Variants in PEX14 observed in about 807,000 individuals in gnomAD.
PEX14 encodes the protein peroxisomal membrane protein PEX14.
In PEX14, 15 loss-of-function variants were observed where a neutral mutation model predicts 49.5. That is an observed-to-expected ratio of 0.30 (90% CI 0.20 to 0.47). The LOEUF (loss-of-function observed/expected upper bound fraction) is 0.47, where lower values mean the gene tolerates loss of function less well. Among genes scored for constraint, PEX14 ranks in the 20% least tolerant of loss-of-function variants. The pLI is 1.00. For missense variants in PEX14, 398 were observed against 494.8 expected (o/e 0.80, Z 1.86); for synonymous variants, 210 against 212.7 (o/e 0.99, Z 0.11).
Position 10,529,430 on chromosome 1 carries a change from G to A in PEX14, c.85-6783G>A, listed in dbSNP as rs1638582133. 6.6e-6 allele frequency among the ~76,000 whole-genome samples: 1 copy of A among 152,220 alleles called. No homozygotes were observed. Among genetic ancestry groups the A allele is most frequent in the Non-Finnish European group, 1.5e-5 (1 of 68,042 alleles). ...TCACCCTTACGTCCCTAAGATCACT[G>A]TCCCTTGACATTAAATAGTGCGTGG... On this transcript the variant is annotated intron_variant, in intron 2 of 8. Transcript: ENST00000356607. The surrounding 1 kb of genome is among the most constrained non-coding windows in gnomAD (Gnocchi z 4.2).
chr1:10,496,484 C>T lies in PEX14; in HGVS notation c.84+1163C>T, dbSNP rs555650019. On this transcript the variant is annotated intron_variant, in intron 2 of 8. Transcript: ENST00000356607. ...GGGCCTGCCTCAGTGCCCCTCAGGC[C>T]GAAGTTGTGGTTGTTTTAGACTGAA... Among the ~76,000 whole-genome samples, 6 of 152,248 alleles carry T rather than the reference C, an allele frequency of 3.9e-5. No homozygotes were observed. The East Asian group carries it at 5.8e-4, about 15-fold the overall frequency.
intron 4 of PEX14, among the ~76,000 whole-genome samples, chr1:10,612,455 A>G (rs139419898): frequency 1.3e-5 from 2 of 152,262 alleles, no homozygotes; most frequent in Non-Finnish European, 2.9e-5. Context: ...AAAAGTGGAA[A>G]AGATTGTCTT....
At chr1:10,615,643 T>C (rs562834146) in intron 4 of PEX14, among the ~76,000 whole-genome samples, 1 of 152,328 alleles carries the variant, frequency 6.6e-6, no homozygotes, top group East Asian at 1.9e-4. Flanking sequence ...CTGGGGGTTC[T>C]GAGGCTCACA....
chr1:10,555,633 C>G (rs956965884), intron 3 of PEX14, among the ~76,000 whole-genome samples: 1 of 78,724 alleles, frequency 1.3e-5, no homozygotes, highest in Non-Finnish European at 2.6e-5. Context: ...GCAGAGCCGG[C>G]AAGGTGTGAG....
chr1:10,475,145 TC>T, intron 1 of PEX14, 143 bp downstream of exon 1: 2 of 639,488 alleles, frequency 3.1e-6, no homozygotes, highest in Non-Finnish European at 5.3e-6. Flanking sequence ...GCCCCGCCCC[TC>T]CCCAGGTCCT....
chr1:10,559,254 A>G (rs1639580229), intron 3 of PEX14, among the ~76,000 whole-genome samples: 1 of 152,188 alleles, frequency 6.6e-6, no homozygotes, highest in East Asian at 1.9e-4. Context: ...TTAGAGATGA[A>G]GAGCATAGGA....
intron 3 of PEX14, among the ~76,000 whole-genome samples, chr1:10,553,683 G>A (rs139562934): frequency 6.6e-6 from 1 of 152,304 alleles, no homozygotes; most frequent in Non-Finnish European, 1.5e-5. Flanking sequence ...TTTGGGTCAT[G>A]GTCAGAGTGG....
chr1:10,480,838 TCTTTC>T (rs1342862772), intron 1 of PEX14, among the ~76,000 whole-genome samples: 2 of 140,586 alleles, frequency 1.4e-5, no homozygotes, highest in African/African-American at 5.9e-5. Context: ...TCTCTCTCTC[TCTTTC>T]TCTCTCTCTC....
At chr1:10,616,233 C>T (rs1013690637) in intron 4 of PEX14, among the ~76,000 whole-genome samples, 5 of 152,134 alleles carry the variant, frequency 3.3e-5, no homozygotes, top group East Asian at 3.9e-4. Context: ...GACTTGGATC[C>T]GCCTGGTGGG....
intron 2 of PEX14, chr1:10,516,934 C>CA (rs1375537768): frequency 6.6e-6 from 1 of 152,286 alleles, no homozygotes; most frequent in Non-Finnish European, 1.5e-5. Flanking sequence ...CCCTTCTCCA[C>CA]ATGTTTTGTT....
In PEX14 at chr1:10,570,848, G is replaced by GTTTGTTTTT. The variant is rs71583883; in HGVS notation, c.170-28387_170-28386insGTTTTTTTT. Among the ~76,000 whole-genome samples the GTTTGTTTTT allele has an allele frequency of 4.1e-4, 47 of 113,898 alleles. 1 individual carries two copies. The highest frequency in any genetic ancestry group is 5.4e-4 in the Non-Finnish European group (31 of 57,348). The allele number at this position is 113,898 out of a possible 152,430, so 74.7% of individuals were successfully genotyped here. A position where few individuals can be genotyped will look rare whatever the true frequency, so the allele number is the denominator to read the frequency against. On this transcript the variant is annotated intron_variant, in intron 3 of 8. Transcript: ENST00000356607. Reference sequence around the variant, plus strand: ...TTTCTTTAGAGAAAATGTCAACAGGGTTTTTTTTTTTTTTTTTGAGATGGT... The same window carrying GTTTGTTTTT: ...TTTCTTTAGAGAAAATGTCAACAGGGTTTGTTTTTTTTTTTTTTTTTTTTTTGAGATGGT...
At chr1:10,526,209 T>C (rs1026594377) in intron 2 of PEX14, among the ~76,000 whole-genome samples, 41 of 149,540 alleles carry the variant, frequency 2.7e-4, no homozygotes, top group Non-Finnish European at 4.4e-4. Context: ...CGTGAGCCAC[T>C]GCGCCCGGCT....
chr1:10,518,786 G>A (rs576572959), intron 2 of PEX14, among the ~76,000 whole-genome samples: 2 of 152,246 alleles, frequency 1.3e-5, no homozygotes, highest in East Asian at 1.9e-4. Flanking sequence ...TGCTGATTCC[G>A]AAGCATCTTT....
chr1:10,504,031 G>A (rs1641735015), intron 2 of PEX14, among the ~76,000 whole-genome samples: 2 of 152,100 alleles, frequency 1.3e-5, no homozygotes, highest in Admixed American at 1.3e-4. Flanking sequence ...ACTGTGCCCG[G>A]CCCATTTTCC....
chr1:10,501,759 T>TA (rs1641685180), intron 2 of PEX14, among the ~76,000 whole-genome samples: 1 of 151,972 alleles, frequency 6.6e-6, no homozygotes, highest in South Asian at 2.1e-4. Context: ...TACAAAAAAT[T>TA]AAAAAAAATT....
intron 5 of PEX14, among the ~76,000 whole-genome samples, chr1:10,621,375 C>CT (rs1224490695): frequency 7.5e-6 from 1 of 134,198 alleles, no homozygotes; most frequent in East Asian, 2.2e-4. Context: ...GAGACACAGT[C>CT]TAACTCTGTT....
intron 3 of PEX14, among the ~76,000 whole-genome samples, chr1:10,537,341 A>AACCACCCC (rs1553187430): frequency 3.5e-5 from 1 of 28,430 alleles, no homozygotes; most frequent in African/African-American, 1.4e-4. Context: ...TTGTGCCAGC[A>AACCACCCC]CCCCCCCCCC....
At position 10,491,674 on chromosome 1, in the gene PEX14, CTTTTTTTTTTTT is replaced by C. The variant is rs5772417; in HGVS notation, c.37-3588_37-3577del. Among the ~76,000 whole-genome samples the C allele has an allele frequency of 1.6e-4, 9 of 55,124 alleles. No homozygotes were observed. In the Admixed American group the frequency reaches 1.7e-3, roughly 10 times the overall value. 36.2% of individuals were successfully genotyped at this position (55,124 alleles called of 152,430 possible). ...GTGTAAGCCACACTTGGCCATGCTC[CTTTTTTTTTTTT>C]TTTTTTTTTTTGGAGACAGAGTCTC... On this transcript the variant is annotated intron_variant, in intron 1 of 8. Coordinates refer to ENST00000356607, the MANE Select transcript of PEX14 (RefSeq NM_004565.3).
chr1:10,581,450 C>T (rs760274476), intron 3 of PEX14, among the ~76,000 whole-genome samples: 11 of 151,338 alleles, frequency 7.3e-5, no homozygotes, highest in Admixed American at 3.3e-4. Flanking sequence ...GGATTACAGG[C>T]GCCCGCCACC....
Sources: allele counts gnomAD v4.1 joint callset (sites outside exome capture counted in the v4.1 genomes callset), GRCh38; gene constraint gnomAD v4.1.1; non-coding constraint Gnocchi (gnomAD v3.1); transcripts MANE v1.5; gene names NCBI Gene and HGNC (gene_info 2026-07-23, HGNC 2026-07-21).